The following ALX3 variants were observed in gnomAD, a reference collection of about 807,000 sequenced individuals.
ALX3 encodes the protein ALX homeobox 3.
In ALX3, 17 loss-of-function variants were observed where a neutral mutation model predicts 26.3. That is an observed-to-expected ratio of 0.65 (90% CI 0.44 to 0.97). ALX3 has a LOEUF of 0.97. ALX3 is among the 50% of genes least tolerant of loss of function. The pLI, the probability that ALX3 is intolerant of heterozygous loss-of-function variation, is 0.00. For missense variants in ALX3, 461 were observed against 466.5 expected (o/e 0.99, Z 0.11); for synonymous variants, 208 against 201.4 (o/e 1.03, Z -0.28).
chr1:110,070,532 G>T lies in ALX3; in HGVS notation c.81C>A (p.Gly27=), dbSNP rs967688577. The T allele has an allele frequency of 1.5e-6, 2 of 1,292,158 alleles. No homozygotes were observed. Among genetic ancestry groups the T allele is most frequent in the South Asian group, 2.3e-5 (1 of 44,024 alleles). The allele number at this position is 1,292,158 out of a possible 1,614,324, so 80.0% of individuals were successfully genotyped here. A position where few individuals can be genotyped will look rare whatever the true frequency, so the allele number is the denominator to read the frequency against. The change falls in exon 1 of 4, where the codon GGC becomes GGA. Residue 27 remains glycine, a synonymous_variant. Transcript: ENST00000647563. The part of the protein sequence containing the change: ...PYVASGDEPP[G]PQGTPAAAPH... ...GCGCAGCGGCGGGGGTTCCCTGCGG[G>T]CCCGGAGGCTCGTCCCCCGAGGCCA... is the stretch of plus-strand genomic sequence containing the variant.
Position 110,070,495 on chromosome 1 carries a change from G to C in ALX3, c.118C>G (p.Pro40Ala), listed in dbSNP as rs1460726387. 7.9e-7 allele frequency: 1 copy of C among 1,266,672 alleles called. No individual in the cohort carries two copies. 78.5% of individuals were successfully genotyped at this position (1,266,672 alleles called of 1,614,324 possible). A position where few individuals can be genotyped will look rare whatever the true frequency, so the allele number is the denominator to read the frequency against. The change falls in exon 1 of 4, where the codon CCC becomes GCC. Residue 40 changes from proline to alanine, a missense_variant. Physicochemically the swap from Pro to Ala is conservative, Grantham distance 27. This residue lies in a region of ALX3 where 241 missense variants were observed against 206.1 expected (regional missense o/e 1.17). Transcript: ENST00000647563. Reference protein sequence around the residue: ...GTPAAAPHLHPAPPRGPRLTR... With the variant: ...GTPAAAPHLHAAPPRGPRLTR... Reference sequence around the variant, plus strand: ...AGCCGCGGGCCGCGGGGCGGCGCGGGGTGCAGGTGAGGCGCAGCGGCGGGG... The same window carrying C: ...AGCCGCGGGCCGCGGGGCGGCGCGGCGTGCAGGTGAGGCGCAGCGGCGGGG...
intron 1 of ALX3, among the ~76,000 whole-genome samples, chr1:110,067,768 C>G (rs938500501): frequency 6.6e-6 from 1 of 152,248 alleles, no homozygotes; most frequent in African/African-American, 2.4e-5. Context: ...TCCTGCAGCT[C>G]CCGCCGAAGA....
In ALX3 at chr1:110,060,892, A is replaced by G; in HGVS notation, c.873T>C (p.Ser291=). Residue 291 remains serine, a synonymous_variant, in exon 4 of 4, where the codon TCT becomes TCC. Coordinates refer to ENST00000647563, the MANE Select transcript of ALX3 (RefSeq NM_006492.3). ...VAGFMGVPAP[S]AAHPGIYSIH... is the part of the protein sequence containing the mutation. ...TGGAGTAGATGCCAGGGTGAGCCGC[A>G]GAAGGGGCTGGCACCCCCATGAAGC... 1.9e-6 allele frequency: 3 copies of G among 1,613,858 alleles called. No individual in the cohort carries two copies. Among genetic ancestry groups the G allele is most frequent in the East Asian group, 4.5e-5 (2 of 44,854 alleles).
Position 110,070,575 on chromosome 1 carries a change from G to A in ALX3, c.38C>T (p.Pro13Leu), listed in dbSNP as rs964012645. Residue 13 changes from proline (P) to leucine (L), a missense_variant, in exon 1 of 4, where the codon CCT (proline) becomes CTT (leucine). Pro to Leu is a moderately conservative substitution (Grantham distance 98). Transcript: ENST00000647563. ...PEHCAPFRVG[P>L]APGPYVASGD... The stretch of plus-strand genomic sequence containing the variant: ...CGAGGCCACATAGGGGCCGGGTGCA[G>A]GCCCCACGCGGAAAGGCGCGCAGTG... 2 of 1,300,408 alleles carry A rather than the reference G, an allele frequency of 1.5e-6. No homozygotes were observed. Among genetic ancestry groups the A allele is most frequent in the South Asian group, 4.3e-5 (2 of 46,030 alleles). 80.6% of individuals were successfully genotyped at this position (1,300,408 alleles called of 1,614,324 possible). A position where few individuals can be genotyped will look rare whatever the true frequency, so the allele number is the denominator to read the frequency against.
At chr1:110,069,640 T>C (rs1280088748) in intron 1 of ALX3, among the ~76,000 whole-genome samples, 1 of 152,248 alleles carries the variant, frequency 6.6e-6, no homozygotes, top group Non-Finnish European at 1.5e-5. Context: ...AAGCCAAGAC[T>C]GCCAGAAGGG....
intron 1 of ALX3, among the ~76,000 whole-genome samples, chr1:110,066,855 G>C (rs1653804363): frequency 6.6e-6 from 1 of 152,180 alleles, no homozygotes; most frequent in Non-Finnish European, 1.5e-5. Context: ...CTGGGGCCCT[G>C]AGACTTGCGT....
At position 110,069,260 on chromosome 1, in the gene ALX3, G is replaced by A. The variant is rs545893815; in HGVS notation, c.277+1076C>T. ...CCGCCCTCCCCTACACATTCCCACC[G>A]CCCCGGCTGGGCGAAAGCCGGAGAT... On this transcript the variant is annotated intron_variant, in intron 1 of 3. Transcript: ENST00000647563. Among the ~76,000 whole-genome samples the A allele has an allele frequency of 1.6e-4, 25 of 152,330 alleles. 1 individual carries two copies. The South Asian group carries it at 4.6e-3, about 28-fold the overall frequency.
intron 3 of ALX3, 134 bp from the exon 4 acceptor site, chr1:110,061,175 T>C: frequency 8.8e-7 from 1 of 1,130,266 alleles, no homozygotes; most frequent in Non-Finnish European, 1.3e-6. Flanking sequence ...ATCTACCCCC[T>C]CTCACCCCCA....
Position 110,070,545 on chromosome 1 carries a change from T to C in ALX3, c.68A>G (p.Asp23Gly), listed in dbSNP as rs1653894975. 2 of 1,296,496 alleles carry C rather than the reference T, an allele frequency of 1.5e-6. No individual in the cohort carries two copies. Among genetic ancestry groups the C allele is most frequent in the South Asian group, 2.2e-5 (1 of 45,308 alleles). 80.3% of individuals were successfully genotyped at this position (1,296,496 alleles called of 1,614,324 possible). The change falls in exon 1 of 4, where the codon GAC (aspartate) becomes GGC (glycine). Residue 23 changes from aspartate (D) to glycine (G), a missense_variant. Around this residue, in one of 3 missense-constraint regions of ALX3, gnomAD observed 241 missense variants for 206.1 expected, o/e 1.17. Transcript: ENST00000647563. ...PAPGPYVASG[D>G]EPPGPQGTPA... ...GGTTCCCTGCGGGCCCGGAGGCTCGTCCCCCGAGGCCACATAGGGGCCGGG... is the reference window on the plus strand; with the variant it reads ...GGTTCCCTGCGGGCCCGGAGGCTCGCCCCCCGAGGCCACATAGGGGCCGGG...
intron 1 of ALX3, among the ~76,000 whole-genome samples, chr1:110,068,478 G>C (rs1018292704): frequency 2.0e-5 from 3 of 152,200 alleles, no homozygotes; most frequent in African/African-American, 7.2e-5. Flanking sequence ...TCTCTACCAG[G>C]CTCTGCTCGC....
intron 1 of ALX3, among the ~76,000 whole-genome samples, chr1:110,067,534 A>G (rs544652906): frequency 6.6e-6 from 1 of 152,280 alleles, no homozygotes; most frequent in Admixed American, 6.5e-5. Context: ...CACCCGGAGG[A>G]GTGCCAGAGC....
chr1:110,067,519 C>A (rs1186301853), intron 1 of ALX3, among the ~76,000 whole-genome samples: 3 of 152,216 alleles, frequency 2.0e-5, no homozygotes, highest in Admixed American at 6.5e-5. Flanking sequence ...ACCCTGAGCA[C>A]CCCTCACCCG....
Position 110,064,686 on chromosome 1 carries a change from C to G in ALX3, c.495G>C (p.Leu165=). The G allele has an allele frequency of 6.2e-7, 1 of 1,614,238 alleles. No individual in the cohort carries two copies. Among genetic ancestry groups the G allele is most frequent in the Non-Finnish European group, 8.5e-7 (1 of 1,180,048 alleles). The change falls in exon 2 of 4, where the codon CTG becomes CTC. Residue 165 remains leucine, a synonymous_variant. Coordinates refer to ENST00000647563, the MANE Select transcript of ALX3 (RefSeq NM_006492.3). The part of the protein sequence containing the change: ...RNRTTFSTFQ[L]EELEKVFQKT... ...TCTGGAAGACCTTCTCCAGCTCCTCCAGCTGGAATGTGCTGAAGGTCGTGC... is the reference window on the plus strand; with the variant it reads ...TCTGGAAGACCTTCTCCAGCTCCTCGAGCTGGAATGTGCTGAAGGTCGTGC...
intron 1 of ALX3, among the ~76,000 whole-genome samples, chr1:110,066,362 C>T (rs1210542063): frequency 2.0e-5 from 3 of 152,182 alleles, no homozygotes; most frequent in Admixed American, 6.5e-5. Context: ...CACAGGTAGC[C>T]CACAGCTACA....
intron 2 of ALX3, chr1:110,062,500 G>A (rs1653673396): frequency 1.3e-5 from 2 of 151,030 alleles, no homozygotes; most frequent in Admixed American, 6.6e-5. Flanking sequence ...ACATTTATGT[G>A]TCAGCCTCTA....
intron 1 of ALX3, among the ~76,000 whole-genome samples, chr1:110,068,070 C>A (rs1458622365): frequency 2.6e-5 from 4 of 152,234 alleles, no homozygotes; most frequent in African/African-American, 9.6e-5. Context: ...AGCACGCAGC[C>A]TGGGTTCAGA....
chr1:110,061,178 C>G (rs1482915888), intron 3 of ALX3, 137 bp from the exon 4 acceptor site: 1 of 1,088,008 alleles, frequency 9.2e-7, no homozygotes, highest in East Asian at 2.6e-5. Context: ...TACCCCCTCT[C>G]ACCCCCAACA....
Position 110,070,353 on chromosome 1 carries a change from T to A in ALX3, c.260A>T (p.Tyr87Phe). The A allele has an allele frequency of 1.6e-6, 2 of 1,289,510 alleles. No homozygotes were observed. Among genetic ancestry groups the A allele is most frequent in the Non-Finnish European group, 2.0e-6 (2 of 1,018,530 alleles). The allele number at this position is 1,289,510 out of a possible 1,614,324, so 79.9% of individuals were successfully genotyped here. A position where few individuals can be genotyped will look rare whatever the true frequency, so the allele number is the denominator to read the frequency against. The change falls in exon 1 of 4, where the codon TAC becomes TTC. Residue 87 changes from tyrosine to phenylalanine, a missense_variant. By Grantham distance (22) the Tyr-to-Phe change is conservative. Transcript: ENST00000647563. ...CGCGTTACCTTCCGCGGGGCCCTCG[T>A]AGAAGTGGCCGCCGTTGAGGGCCGG... is the stretch of plus-strand genomic sequence containing the variant. ...PGPALNGGHF[Y>F]EGPAEAEEKT...
Position 110,070,615 on chromosome 1 carries a change from C to G in ALX3, c.-3G>C. ...GGCGCGCAGTGCTCGGGGTCCATGC[C>G]GGCTCAGGGCGCACAGGCCTCCGGG... On this transcript the variant is annotated 5_prime_UTR_variant, in exon 1 of 4. Transcript: ENST00000647563. 1 of 1,231,210 alleles carries G rather than the reference C, an allele frequency of 8.1e-7. No individual in the cohort carries two copies. The highest frequency in any genetic ancestry group is 1.0e-6 in the Non-Finnish European group (1 of 986,732). The allele number at this position is 1,231,210 out of a possible 1,614,324, so 76.3% of individuals were successfully genotyped here.
Sources: allele counts gnomAD v4.1 joint callset (sites outside exome capture counted in the v4.1 genomes callset), GRCh38; gene constraint gnomAD v4.1.1; regional missense constraint gnomAD v4.1.1; transcripts MANE v1.5; gene names NCBI Gene and HGNC (gene_info 2026-07-23, HGNC 2026-07-21).